Variants in MTMR12 observed in about 807,000 individuals in gnomAD.
MTMR12 encodes myotubularin related protein 12.
A neutral mutation model predicts 96.7 loss-of-function variants in MTMR12; 33 were observed. The observed-to-expected ratio is 0.34, with a 90% CI of 0.26 to 0.46. The LOEUF (loss-of-function observed/expected upper bound fraction) is 0.46. Among genes scored for constraint, MTMR12 ranks in the 20% least tolerant of loss-of-function variants. MTMR12 has a pLI of 1.00. For missense variants in MTMR12, 721 were observed against 896.1 expected (o/e 0.80, Z 2.49); for synonymous variants, 298 against 327.2 (o/e 0.91, Z 0.96).
chr5:32,234,499 G>GC (rs1748129497), intron 14 of MTMR12, among the ~76,000 whole-genome samples: 1 of 152,200 alleles, frequency 6.6e-6, no homozygotes, highest in South Asian at 2.1e-4. Flanking sequence ...GGAGTTCCAG[G>GC]CATCAGGCAA....
intron 13 of MTMR12, among the ~76,000 whole-genome samples, chr5:32,236,163 G>C (rs1323654436): frequency 2.6e-5 from 4 of 152,072 alleles, no homozygotes; most frequent in Non-Finnish European, 4.4e-5. Context: ...CCAAGGGCTG[G>C]GTGAACAGCA....
chr5:32,290,960 G>A (rs1370335669), intron 1 of MTMR12, among the ~76,000 whole-genome samples: 6 of 152,202 alleles, frequency 3.9e-5, no homozygotes, highest in Non-Finnish European at 8.8e-5. Context: ...GGCACTTTCT[G>A]ACCATCTAGC....
chr5:32,250,792 C>T (rs1748886177), intron 8 of MTMR12, among the ~76,000 whole-genome samples: 1 of 152,052 alleles, frequency 6.6e-6, no homozygotes, highest in African/African-American at 2.4e-5. Flanking sequence ...ACTGTCTCAT[C>T]TCATCTGAGG....
intron 13 of MTMR12, among the ~76,000 whole-genome samples, chr5:32,237,911 G>C (rs969783735): frequency 6.6e-6 from 1 of 151,834 alleles, no homozygotes; most frequent in Admixed American, 6.6e-5. Flanking sequence ...GGGAGGCTGA[G>C]GCAGGTGGGT....
chr5:32,299,722 T>TG (rs1187680190), intron 1 of MTMR12, among the ~76,000 whole-genome samples: 1 of 152,218 alleles, frequency 6.6e-6, no homozygotes, highest in Non-Finnish European at 1.5e-5. Context: ...ATCTTGGAGA[T>TG]ACTCCTGCAG....
chr5:32,303,059 T>C (rs1379184758), intron 1 of MTMR12, among the ~76,000 whole-genome samples: 1 of 152,200 alleles, frequency 6.6e-6, no homozygotes, highest in Non-Finnish European at 1.5e-5. Context: ...GATTAAGCAC[T>C]TTCTGAAGCC....
intron 1 of MTMR12, among the ~76,000 whole-genome samples, chr5:32,310,334 A>T (rs942439154): frequency 1.3e-5 from 2 of 152,306 alleles, no homozygotes; most frequent in Non-Finnish European, 1.5e-5. Flanking sequence ...CAGTACATGG[A>T]AGAGAAATCT....
intron 1 of MTMR12, among the ~76,000 whole-genome samples, chr5:32,308,646 G>A (rs913260704): frequency 2.6e-5 from 4 of 151,814 alleles, no homozygotes; most frequent in African/African-American, 9.7e-5. Flanking sequence ...CTGTCGCCAG[G>A]CTGAAATGCA....
At chr5:32,271,481 C>G (rs1035720258) in intron 4 of MTMR12, among the ~76,000 whole-genome samples, 4 of 152,086 alleles carry the variant, frequency 2.6e-5, no homozygotes, top group African/African-American at 9.7e-5. Context: ...GTTTAGTCAG[C>G]AGAAAAGACA....
intron 5 of MTMR12, among the ~76,000 whole-genome samples, chr5:32,270,552 GT>G (rs1749790732): frequency 6.6e-6 from 1 of 152,170 alleles, no homozygotes; most frequent in African/African-American, 2.4e-5. Context: ...TACTGACCTG[GT>G]TTACCACCTC....
At chr5:32,291,750 G>A (rs746118587) in intron 1 of MTMR12, among the ~76,000 whole-genome samples, 1 of 152,136 alleles carries the variant, frequency 6.6e-6, no homozygotes, top group Admixed American at 6.5e-5. Flanking sequence ...ACCTGGCTAC[G>A]GCCACTGTTG....
At chr5:32,306,733 T>C (rs1198768371) in intron 1 of MTMR12, among the ~76,000 whole-genome samples, 5 of 152,198 alleles carry the variant, frequency 3.3e-5, no homozygotes, top group African/African-American at 4.8e-5. Context: ...GTGGGCAAGA[T>C]ATTAAACTTT....
chr5:32,265,796 G>A (rs1749566511), intron 6 of MTMR12, among the ~76,000 whole-genome samples: 1 of 152,150 alleles, frequency 6.6e-6, no homozygotes, highest in Non-Finnish European at 1.5e-5. Flanking sequence ...TGCACCTTAT[G>A]TGCCACCCAC....
chr5:32,276,710 CTCTGTTACTTCCTTT>C lies in MTMR12; in HGVS notation c.99_113del (p.Glu38_Thr42del), dbSNP rs1750065945. Reference sequence around the variant, plus strand: ...GCAACAAGTGAAGAGTTACTTCCTTCTCTGTTACTTCCTTTTCGTTTGTGTGAATTTCCTAAAAGA... The same window carrying C: ...GCAACAAGTGAAGAGTTACTTCCTTCTCGTTTGTGTGAATTTCCTAAAAGA... On this transcript the variant is annotated inframe_deletion, in exon 2 of 16. Coordinates refer to ENST00000382142, the MANE Select transcript of MTMR12 (RefSeq NM_001040446.3). 1 of 1,613,776 alleles carries C rather than the reference CTCTGTTACTTCCTTT, an allele frequency of 6.2e-7. No homozygotes were observed.
rs147500354 is a variant in MTMR12 at position 32,294,836 on chromosome 5, A to C, written c.81+17922T>G. Among the ~76,000 whole-genome samples, 4 of 152,368 alleles carry C rather than the reference A, an allele frequency of 2.6e-5. No homozygotes were observed. The East Asian group carries it at 7.7e-4, about 29-fold the overall frequency. ...CGGATAATATTCTTCAATCCTATGC[A>C]TAGCTCTTGTGAAATTAACAAAATT... On this transcript the variant is annotated intron_variant, in intron 1 of 15. Coordinates refer to ENST00000382142, the MANE Select transcript of MTMR12 (RefSeq NM_001040446.3).
chr5:32,276,063 T>A (rs1750039810), intron 2 of MTMR12, among the ~76,000 whole-genome samples: 1 of 152,172 alleles, frequency 6.6e-6, no homozygotes, highest in African/African-American at 2.4e-5. Flanking sequence ...TCACAGAATA[T>A]CCCATATATG....
At chr5:32,307,775 G>C (rs974345572) in intron 1 of MTMR12, among the ~76,000 whole-genome samples, 5 of 152,134 alleles carry the variant, frequency 3.3e-5, no homozygotes, top group Non-Finnish European at 7.4e-5. Context: ...GTGTTTAAAA[G>C]CATAATCTTA....
intron 1 of MTMR12, among the ~76,000 whole-genome samples, chr5:32,290,431 T>G (rs538392369): frequency 6.6e-5 from 10 of 152,274 alleles, no homozygotes; most frequent in African/African-American, 2.4e-4. Flanking sequence ...TCAGTAAAAT[T>G]TTTAGGGGTT....
intron 15 of MTMR12, among the ~76,000 whole-genome samples, chr5:32,232,774 G>C (rs114960676): frequency 0.014 from 2,174 of 152,332 alleles, 53 homozygotes; most frequent in African/African-American, 0.05. Flanking sequence ...AAAGGGCAAA[G>C]TGGCCATTCT....
Sources: gnomAD v4.1 joint callset for allele counts (sites outside exome capture counted in the v4.1 genomes callset) on GRCh38, gnomAD v4.1.1 for gene constraint, MANE v1.5 for transcripts, NCBI Gene and HGNC (gene_info 2026-07-23, HGNC 2026-07-21) for gene names.